IP6K1: variants seen among roughly 807,000 people sequenced by gnomAD.
IP6K1 encodes the protein inositol hexakisphosphate kinase 1, also known as ATP:1D-myo-inositol-hexakisphosphate phosphotransferase.
Under a neutral mutation model 38.3 loss-of-function variants are expected in IP6K1, and 13 were observed. That is an observed-to-expected ratio of 0.34 (90% CI 0.22 to 0.54). The LOEUF (loss-of-function observed/expected upper bound fraction) is 0.54, where lower values mean the gene tolerates loss of function less well. IP6K1 is among the 20% of genes least tolerant of loss of function. The probability of loss-of-function intolerance (pLI) is 0.92; values close to 1 mark genes in which losing one functional copy is unlikely to be tolerated. For synonymous variants in IP6K1, 212 were observed against 229.9 expected, an observed-to-expected ratio of 0.92 and a Z score of 0.70; for missense variants, 397 against 599.8, an observed-to-expected ratio of 0.66 and a Z score of 3.53.
intron 1 of IP6K1, among the ~76,000 whole-genome samples, chr3:49,777,687 G>T (rs1312344446): frequency 6.0e-5 from 9 of 150,626 alleles, no homozygotes; most frequent in Admixed American, 6.0e-4. Flanking sequence ...AGCCGAGATG[G>T]GCGGATCACA....
intron 2 of IP6K1, among the ~76,000 whole-genome samples, chr3:49,739,932 T>G (rs779621573): frequency 7.2e-5 from 11 of 152,080 alleles, no homozygotes; most frequent in Non-Finnish European, 1.3e-4. Context: ...GGAGAATCAC[T>G]TGAAGCCGGG....
Position 49,755,815 on chromosome 3 carries a change from C to T in IP6K1, c.-128-7647G>A, listed in dbSNP as rs116310208. On this transcript the variant is annotated intron_variant, in intron 1 of 5. Coordinates refer to ENST00000321599, the MANE Select transcript of IP6K1 (RefSeq NM_153273.4). Reference sequence around the variant, plus strand: ...ACCAACATGAAAACACGTTTGTCCTCTAAATCTTACAACCAAGGGAATCCA... The same window carrying T: ...ACCAACATGAAAACACGTTTGTCCTTTAAATCTTACAACCAAGGGAATCCA... Among the ~76,000 whole-genome samples the T allele has an allele frequency of 4.0e-3, 614 of 152,334 alleles. 2 individuals carry two copies. The highest frequency in any genetic ancestry group is 6.7e-3 in the Non-Finnish European group (453 of 68,032).
At chr3:49,757,207 GC>G (rs1280569564) in intron 1 of IP6K1, among the ~76,000 whole-genome samples, 1 of 152,166 alleles carries the variant, frequency 6.6e-6, no homozygotes, top group Non-Finnish European at 1.5e-5. Context: ...AAAGATAGAT[GC>G]AAAAGCCTGG....
chr3:49,767,089 C>T (rs1343793416), intron 1 of IP6K1, among the ~76,000 whole-genome samples: 1 of 151,184 alleles, frequency 6.6e-6, no homozygotes, highest in African/African-American at 2.4e-5. Flanking sequence ...TAACAAGATC[C>T]CATCTCCACA....
intron 1 of IP6K1, among the ~76,000 whole-genome samples, chr3:49,780,992 A>G (rs1186414358): frequency 6.6e-6 from 1 of 152,190 alleles, no homozygotes; most frequent in Non-Finnish European, 1.5e-5. Flanking sequence ...CAGGCGCAAA[A>G]AGACACAAAA....
intron 2 of IP6K1, among the ~76,000 whole-genome samples, chr3:49,745,866 A>AG (rs1425214619): frequency 6.6e-6 from 1 of 151,862 alleles, no homozygotes; most frequent in African/African-American, 2.4e-5. Context: ...AAAAAAAAAA[A>AG]AAAAAAGACA....
At chr3:49,764,707 C>T (rs1027831894) in intron 1 of IP6K1, among the ~76,000 whole-genome samples, 3 of 151,946 alleles carry the variant, frequency 2.0e-5, no homozygotes, top group Non-Finnish European at 4.4e-5. Flanking sequence ...GGCACAATCC[C>T]ATGTCTACTA....
chr3:49,761,632 A>T (rs1204137694), intron 1 of IP6K1, among the ~76,000 whole-genome samples: 4 of 150,900 alleles, frequency 2.7e-5, no homozygotes, highest in Non-Finnish European at 5.9e-5. Context: ...AAAAAAAAAA[A>T]ATTAATAACC....
At chr3:49,744,089 T>C (rs2080699227) in intron 2 of IP6K1, among the ~76,000 whole-genome samples, 1 of 152,028 alleles carries the variant, frequency 6.6e-6, no homozygotes, top group Admixed American at 6.6e-5. Context: ...TCATTCCTTC[T>C]ATATTTATTA....
At chr3:49,781,358 G>A (rs574685538) in intron 1 of IP6K1, among the ~76,000 whole-genome samples, 22 of 152,218 alleles carry the variant, frequency 1.4e-4, no homozygotes, top group South Asian at 1.0e-3. Flanking sequence ...CCACTGTGCC[G>A]GCCTAAAAAA....
chr3:49,763,081 T>A lies in IP6K1; in HGVS notation c.-128-14913A>T, dbSNP rs1303069874. Among the ~76,000 whole-genome samples, 4 of 150,912 alleles carry A rather than the reference T, an allele frequency of 2.7e-5. No individual in the cohort carries two copies. In the East Asian group the frequency reaches 7.8e-4, roughly 29 times the overall value. On this transcript the variant is annotated intron_variant, in intron 1 of 5. Transcript: ENST00000321599. ...CTGGGATTATAGGCGTGAGCCACCATGCCTGGCCAAGGTCAATTATTTCTT... is the reference window on the plus strand; with the variant it reads ...CTGGGATTATAGGCGTGAGCCACCAAGCCTGGCCAAGGTCAATTATTTCTT...
intron 4 of IP6K1, among the ~76,000 whole-genome samples, chr3:49,729,904 T>G (rs747050089): frequency 6.6e-6 from 1 of 151,664 alleles, no homozygotes; most frequent in Non-Finnish European, 1.5e-5. Context: ...TAATTATTAT[T>G]TTTTTTGAGA....
At chr3:49,777,831 C>T (rs1474761289) in intron 1 of IP6K1, among the ~76,000 whole-genome samples, 1 of 151,834 alleles carries the variant, frequency 6.6e-6, no homozygotes, top group Non-Finnish European at 1.5e-5. Flanking sequence ...AGGAGAATGG[C>T]GTGAACCCGG....
intron 4 of IP6K1, among the ~76,000 whole-genome samples, chr3:49,730,541 T>C (rs1410576408): frequency 6.6e-6 from 1 of 152,062 alleles, no homozygotes; most frequent in Non-Finnish European, 1.5e-5. Context: ...AAAAGCTGGA[T>C]TTACATTTCT....
intron 1 of IP6K1, among the ~76,000 whole-genome samples, chr3:49,752,999 G>A (rs2080792044): frequency 6.6e-6 from 1 of 151,786 alleles, no homozygotes; most frequent in African/African-American, 2.4e-5. Context: ...ACCTCAAGAT[G>A]ACCTGCCTGC....
chr3:49,756,590 G>T (rs1297705567), intron 1 of IP6K1, among the ~76,000 whole-genome samples: 2 of 152,078 alleles, frequency 1.3e-5, no homozygotes, highest in Non-Finnish European at 2.9e-5. Flanking sequence ...GGCCAAGGCG[G>T]GTGGATCACC....
chr3:49,745,715 C>T (rs1455410071), intron 2 of IP6K1, among the ~76,000 whole-genome samples: 3 of 149,576 alleles, frequency 2.0e-5, no homozygotes, highest in Admixed American at 6.8e-5. Flanking sequence ...TTTAGTTAGG[C>T]GTGGTGGCAC....
Position 49,753,615 on chromosome 3 carries a change from A to T in IP6K1, c.-128-5447T>A, listed in dbSNP as rs754608155. On this transcript the variant is annotated intron_variant, in intron 1 of 5. Transcript: ENST00000321599. ...TAAATCTGGCTGAATAAATATATGT[A>T]TGTTTATGATATACATAACAGATGT... Among the ~76,000 whole-genome samples the T allele has an allele frequency of 2.0e-5, 3 of 152,198 alleles. No homozygotes were observed. In the East Asian group the frequency reaches 5.8e-4, roughly 29 times the overall value.
At chr3:49,778,241 CT>C (rs1039752918) in intron 1 of IP6K1, among the ~76,000 whole-genome samples, 10 of 150,924 alleles carry the variant, frequency 6.6e-5, no homozygotes, top group African/African-American at 2.4e-4. Context: ...AGGAGAATCA[CT>C]TGAACCCTGG....
Sources: gnomAD v4.1 joint callset for allele counts (sites outside exome capture counted in the v4.1 genomes callset) on GRCh38, gnomAD v4.1.1 for gene constraint, MANE v1.5 for transcripts, NCBI Gene and HGNC (gene_info 2026-07-23, HGNC 2026-07-21) for gene names.